IGLON5: variants seen among roughly 807,000 people sequenced by gnomAD.
The protein encoded by IGLON5 is IgLON family member 5, also known as Ig-like domain-containing protein ENSP00000270642.
In IGLON5, 16 loss-of-function variants were observed where a neutral mutation model predicts 38.2. The observed-to-expected ratio is 0.42, with a 90% CI of 0.28 to 0.64. The LOEUF is 0.64. Among genes scored for constraint, IGLON5 ranks in the 30% least tolerant of loss-of-function variants. The pLI is 0.23. For missense variants in IGLON5, 366 were observed against 483.4 expected, an observed-to-expected ratio of 0.76 and a Z score of 2.28; for synonymous variants, 207 against 216.4, an observed-to-expected ratio of 0.96 and a Z score of 0.38.
At chr19:51,315,688 C>CT (rs756194855) in intron 1 of IGLON5, among the ~76,000 whole-genome samples, 1,348 of 82,532 alleles carry the variant, frequency 0.016, 10 homozygotes, top group East Asian at 0.018. Flanking sequence ...GGAAGTCAAC[C>CT]TTTTTTTTTT....
Position 51,324,705 on chromosome 19 carries a change from C to A in IGLON5, c.392-641C>A, listed in dbSNP as rs906726270. Reference sequence around the variant, plus strand: ...AGAAGAGCTACTTTTATTTTATGCCCTACTAGAAAAGAAAAAACAAAAACA... The same window carrying A: ...AGAAGAGCTACTTTTATTTTATGCCATACTAGAAAAGAAAAAACAAAAACA... On this transcript the variant is annotated intron_variant, in intron 3 of 7. Coordinates refer to ENST00000270642, the MANE Select transcript of IGLON5 (RefSeq NM_001101372.3). The surrounding 1 kb of genome is among the most constrained non-coding windows in gnomAD (Gnocchi z 4.2). Among the ~76,000 whole-genome samples, 4 of 151,672 alleles carry A rather than the reference C, an allele frequency of 2.6e-5. No individual in the cohort carries two copies. Among genetic ancestry groups the A allele is most frequent in the African/African-American group, 9.7e-5 (4 of 41,260 alleles).
Position 51,327,875 on chromosome 19 carries a change from T to C in IGLON5, c.911T>C (p.Met304Thr), listed in dbSNP as rs1250231008. ...ANRLGASSAS[M>T]RLLRPGSLEN... ...CGACTGGGAGCGTCCAGCGCCTCCA[T>C]GCGGCTCCTGCGTGCGTCTTCGGGC... Residue 304 changes from methionine (M) to threonine (T), a missense_variant, in exon 7 of 8, where the codon ATG becomes ACG. Met to Thr is a moderately conservative substitution (Grantham distance 81). Transcript: ENST00000270642. This position sits in a 1 kb window ranked among gnomAD's most constrained non-coding sequence, Gnocchi z 7.1. The C allele has an allele frequency of 2.9e-6, 4 of 1,396,686 alleles. No homozygotes were observed. The highest frequency in any genetic ancestry group is 6.9e-5 in the East Asian group (2 of 29,056). 86.5% of individuals were successfully genotyped at this position (1,396,686 alleles called of 1,614,324 possible). A position where few individuals can be genotyped will look rare whatever the true frequency, so the allele number is the denominator to read the frequency against.
rs776877261 is a variant in IGLON5 at position 51,326,822 on chromosome 19, C to G, written c.570C>G (p.Ala190=). ...LEISDIQRGQ[A]GEYECVTHNG... is the part of the protein sequence containing the mutation. ...TCTCTGACATCCAGCGGGGCCAGGC[C>G]GGGGAGTATGAGTGCGTGACTCACA... The change falls in exon 5 of 8, where the codon GCC becomes GCG. Residue 190 remains alanine, a synonymous_variant. Transcript: ENST00000270642. 6.4e-7 allele frequency: 1 copy of G among 1,552,352 alleles called. No homozygotes were observed. The highest frequency in any genetic ancestry group is 8.7e-7 in the Non-Finnish European group (1 of 1,147,820).
intron 1 of IGLON5, among the ~76,000 whole-genome samples, chr19:51,315,807 T>C (rs1984906497): frequency 6.7e-6 from 1 of 149,190 alleles, no homozygotes; most frequent in African/African-American, 2.5e-5. Flanking sequence ...ACCATTCTCC[T>C]GCCTCAGCCT....
In IGLON5 at chr19:51,321,470, C is replaced by T. The variant is rs1304356685; in HGVS notation, c.80-594C>T. On this transcript the variant is annotated intron_variant, in intron 1 of 7. Coordinates refer to ENST00000270642, the MANE Select transcript of IGLON5 (RefSeq NM_001101372.3). Reference sequence around the variant, plus strand: ...CTGAGATTACAGGTGTGAGCCACCGCACCTGGCCGTATCTATGTAATTGTT... The same window carrying T: ...CTGAGATTACAGGTGTGAGCCACCGTACCTGGCCGTATCTATGTAATTGTT... Among the ~76,000 whole-genome samples the T allele has an allele frequency of 2.0e-5, 3 of 152,168 alleles. No homozygotes were observed. The East Asian group carries it at 5.8e-4, about 29-fold the overall frequency.
chr19:51,328,624 G>T (rs1211703470), intron 7 of IGLON5, 47 bp from the exon 8 acceptor site: 2 of 1,290,798 alleles, frequency 1.5e-6, no homozygotes, highest in Non-Finnish European at 2.1e-6. Context: ...CACACATGGG[G>T]TTCCCCACTC....
Position 51,330,735 on chromosome 19 carries a change from G to A in IGLON5, c.*1976G>A, listed in dbSNP as rs1985337498. Among the ~76,000 whole-genome samples the A allele has an allele frequency of 6.6e-6, 1 of 152,190 alleles. No homozygotes were observed. ...AGCAATGGTGGGGAGGACAGCATAT[G>A]GAGCCTGAGAAGGATAGGAACACTG... On this transcript the variant is annotated 3_prime_UTR_variant, in exon 8 of 8. Coordinates refer to ENST00000270642, the MANE Select transcript of IGLON5 (RefSeq NM_001101372.3).
Position 51,325,234 on chromosome 19 carries a change from G to C in IGLON5, c.392-112G>C, listed in dbSNP as rs1357488061. Reference sequence around the variant, plus strand: ...GGAGGGGCTGGGGGTCTGAACTCCTGGGTCTGAGGGAGGAGGAGGGGCTGG... The same window carrying C: ...GGAGGGGCTGGGGGTCTGAACTCCTCGGTCTGAGGGAGGAGGAGGGGCTGG... On this transcript the variant is annotated intron_variant, in intron 3 of 7. Transcript: ENST00000270642. This position sits in a 1 kb window ranked among gnomAD's most constrained non-coding sequence, Gnocchi z 5.5. 6.8e-7 allele frequency: 1 copy of C among 1,478,258 alleles called. No homozygotes were observed. Among genetic ancestry groups the C allele is most frequent in the Non-Finnish European group, 9.2e-7 (1 of 1,091,594 alleles). The allele number at this position is 1,478,258 out of a possible 1,614,324, so 91.6% of individuals were successfully genotyped here.
chr19:51,323,760 G>T lies in IGLON5; in HGVS notation c.257G>T (p.Arg86Leu), dbSNP rs762872088. Residue 86 changes from arginine (R) to leucine (L), a missense_variant, in exon 3 of 8, where the codon CGG becomes CTG. By Grantham distance (102) the Arg-to-Leu change is moderately radical. Coordinates refer to ENST00000270642, the MANE Select transcript of IGLON5 (RefSeq NM_001101372.3). ...CGCTGGACCAGCGACCCGCGGGTGC[G>T]GCTGCTCATCAACACCCCCGAGGAG... ...NDRWTSDPRV[R>L]LLINTPEEFS... is the part of the protein sequence containing the mutation. The T allele has an allele frequency of 3.1e-6, 5 of 1,613,916 alleles. No homozygotes were observed. The highest frequency in any genetic ancestry group is 4.2e-6 in the Non-Finnish European group (5 of 1,179,878).
rs897569031 is a variant in IGLON5, at chr19:51,324,637, G to T, written c.392-709G>T. On this transcript the variant is annotated intron_variant, in intron 3 of 7. Coordinates refer to ENST00000270642, the MANE Select transcript of IGLON5 (RefSeq NM_001101372.3). The surrounding 1 kb of genome is among the most constrained non-coding windows in gnomAD (Gnocchi z 4.2). ...GAGGCCCGGGACTCCTTTGCAAAAT[G>T]GGGATGGTGCTGTCATATGTCAAAT... is the stretch of plus-strand genomic sequence containing the variant. Among the ~76,000 whole-genome samples the T allele has an allele frequency of 1.2e-4, 19 of 152,092 alleles. No homozygotes were observed. Among genetic ancestry groups the T allele is most frequent in the African/African-American group, 3.9e-4 (16 of 41,416 alleles).
At chr19:51,316,578 C>G (rs1984932362) in intron 1 of IGLON5, among the ~76,000 whole-genome samples, 1 of 150,586 alleles carries the variant, frequency 6.6e-6, no homozygotes, top group Admixed American at 6.6e-5. Flanking sequence ...ACTGCAACCT[C>G]CGCATCCTGG....
chr19:51,326,583 C>T (rs1309997346), intron 4 of IGLON5, among the ~76,000 whole-genome samples, 181 bp from the exon 5 acceptor site: 1 of 151,738 alleles, frequency 6.6e-6, no homozygotes, highest in Non-Finnish European at 1.5e-5. Flanking sequence ...TCCCCCACCC[C>T]CAGCTGGAGA....
intron 1 of IGLON5, among the ~76,000 whole-genome samples, chr19:51,314,279 G>C (rs1984859664): frequency 6.6e-6 from 1 of 151,634 alleles, no homozygotes; most frequent in African/African-American, 2.4e-5. Flanking sequence ...TGCCTCCCGG[G>C]TTCAAGTGAT....
rs777462986 is a variant in IGLON5, at chr19:51,311,871, C to T, written c.24C>T (p.Ala8=). Residue 8 remains alanine (A), a synonymous_variant, in exon 1 of 8, where the codon GCC becomes GCT. Transcript: ENST00000270642. MPPPAPG[A]RLRLLAAAAL... ...CGATGCCCCCCCCTGCGCCCGGGGC[C>T]CGGCTCCGGCTTCTCGCCGCCGCCG... The T allele has an allele frequency of 5.9e-6, 8 of 1,347,982 alleles. No homozygotes were observed. The South Asian group carries it at 1.4e-4, about 24-fold the overall frequency. 83.5% of individuals were successfully genotyped at this position (1,347,982 alleles called of 1,614,324 possible).
At chr19:51,318,262 G>A (rs972625474) in intron 1 of IGLON5, among the ~76,000 whole-genome samples, 3 of 152,218 alleles carry the variant, frequency 2.0e-5, no homozygotes, top group African/African-American at 7.2e-5. Context: ...GGCCTCTGGT[G>A]GGCCAGGCCC....
intron 1 of IGLON5, among the ~76,000 whole-genome samples, chr19:51,315,921 C>T (rs1984910161): frequency 6.6e-6 from 1 of 151,946 alleles, no homozygotes; most frequent in African/African-American, 2.4e-5. Context: ...GTCTCGATCT[C>T]CTGACCTCAT....
Position 51,325,873 on chromosome 19 carries a change from C to T in IGLON5, c.511+408C>T, listed in dbSNP as rs749787541. The stretch of plus-strand genomic sequence containing the variant: ...TCTTCTGCTGGACGCTCTAGCCCAG[C>T]GGGCCTCATGGTGTGGGCCCCAGAC... On this transcript the variant is annotated intron_variant, in intron 4 of 7. Coordinates refer to ENST00000270642, the MANE Select transcript of IGLON5 (RefSeq NM_001101372.3). The surrounding 1 kb of genome is among the most constrained non-coding windows in gnomAD (Gnocchi z 5.5). Among the ~76,000 whole-genome samples, 57 of 152,116 alleles carry T rather than the reference C, an allele frequency of 3.7e-4. No homozygotes were observed. The highest frequency in any genetic ancestry group is 1.9e-4 in the Non-Finnish European group (13 of 68,016).
At chr19:51,320,097 T>C (rs1985017331) in intron 1 of IGLON5, among the ~76,000 whole-genome samples, 1 of 152,126 alleles carries the variant, frequency 6.6e-6, no homozygotes, top group Admixed American at 6.5e-5. Context: ...CTGTCTCCTG[T>C]TGCTCCCAGG....
rs775251657 is a variant in IGLON5, at chr19:51,327,719, G to A, written c.768-13G>A. The A allele has an allele frequency of 2.6e-6, 4 of 1,561,930 alleles. No individual in the cohort carries two copies. The highest frequency in any genetic ancestry group is 8.6e-7 in the Non-Finnish European group (1 of 1,158,450). ...GGCGCTGCGGCCCGGCCCCTGACCC[G>A]GATCCCTGGCAGGCTGAGCAGCGGC... On this transcript the variant is annotated splice_polypyrimidine_tract_variant and intron_variant, in intron 6 of 7. Coordinates refer to ENST00000270642, the MANE Select transcript of IGLON5 (RefSeq NM_001101372.3). This position sits in a 1 kb window ranked among gnomAD's most constrained non-coding sequence, Gnocchi z 7.1.
Sources: gnomAD v4.1 joint callset for allele counts (sites outside exome capture counted in the v4.1 genomes callset) on GRCh38, gnomAD v4.1.1 for gene constraint, Gnocchi (gnomAD v3.1) non-coding constraint, MANE v1.5 for transcripts, NCBI Gene and HGNC (gene_info 2026-07-23, HGNC 2026-07-21) for gene names.